Variants in EEPD1 observed in about 807,000 individuals in gnomAD.
EEPD1 encodes endonuclease/exonuclease/phosphatase family domain-containing protein 1.
A neutral mutation model predicts 46.3 loss-of-function variants in EEPD1; 17 were observed. The ratio of observed to expected loss-of-function variants is 0.37; its 90% CI spans 0.25 to 0.55. EEPD1 has a LOEUF of 0.55. EEPD1 is among the 20% of genes least tolerant of loss of function. The probability of loss-of-function intolerance (pLI) is 0.83; values close to 1 mark genes in which losing one functional copy is unlikely to be tolerated. For missense variants in EEPD1, 673 were observed against 745.6 expected, an observed-to-expected ratio of 0.90 and a Z score of 1.13; for synonymous variants, 313 against 315.6, an observed-to-expected ratio of 0.99 and a Z score of 0.09.
chr7:36,272,854 A>G (rs1405342021), intron 3 of EEPD1, among the ~76,000 whole-genome samples: 1 of 152,218 alleles, frequency 6.6e-6, no homozygotes, highest in African/African-American at 2.4e-5. Context: ...CAGGAAGCCC[A>G]TGGCTTCTCT....
At chr7:36,288,973 G>C (rs1191858869) in intron 6 of EEPD1, among the ~76,000 whole-genome samples, 2 of 152,164 alleles carry the variant, frequency 1.3e-5, no homozygotes, top group Non-Finnish European at 2.9e-5. Context: ...TCTATCTTTT[G>C]AGTCTGGACC....
chr7:36,261,465 C>T (rs1308019190), intron 3 of EEPD1, among the ~76,000 whole-genome samples: 1 of 152,198 alleles, frequency 6.6e-6, no homozygotes, highest in Non-Finnish European at 1.5e-5. Context: ...CTAGCCACCA[C>T]CTCATACAAA....
intron 2 of EEPD1, among the ~76,000 whole-genome samples, chr7:36,234,531 G>T (rs958199492): frequency 6.6e-6 from 1 of 151,952 alleles, no homozygotes; most frequent in African/African-American, 2.4e-5. Context: ...AATTAGCCTG[G>T]TGTGGTGGCG....
chr7:36,185,196 G>C (rs546703448), intron 2 of EEPD1, among the ~76,000 whole-genome samples: 1 of 152,320 alleles, frequency 6.6e-6, no homozygotes, highest in Non-Finnish European at 1.5e-5. Flanking sequence ...ACAGGTGTCT[G>C]TATCCTTGAA....
intron 2 of EEPD1, among the ~76,000 whole-genome samples, chr7:36,156,239 A>G (rs1784823263): frequency 6.6e-6 from 1 of 152,146 alleles, no homozygotes; most frequent in Non-Finnish European, 1.5e-5. Context: ...ACAGTGCATG[A>G]TGGCAGATCA....
intron 2 of EEPD1, among the ~76,000 whole-genome samples, chr7:36,188,540 TG>T (rs1487334899): frequency 2.6e-5 from 4 of 152,162 alleles, no homozygotes; most frequent in Non-Finnish European, 4.4e-5. Flanking sequence ...ATACACAGGC[TG>T]GGTGGGTCCT....
At chr7:36,266,548 A>C (rs1487547649) in intron 3 of EEPD1, among the ~76,000 whole-genome samples, 1 of 152,242 alleles carries the variant, frequency 6.6e-6, no homozygotes, top group South Asian at 2.1e-4. Context: ...CCCATCACTC[A>C]AGTCACTTTT....
rs531772594 is a variant in EEPD1, at chr7:36,243,187, A to G, written c.930+4151A>G. Among the ~76,000 whole-genome samples, 3 of 152,260 alleles carry G rather than the reference A, an allele frequency of 2.0e-5. No homozygotes were observed. The South Asian group carries it at 6.2e-4, about 32-fold the overall frequency. ...CATTCTAAAAAGCCCCCAGGTGATT[A>G]TGTGCTCGAAAGTTCAAGAACGCTG... On this transcript the variant is annotated intron_variant, in intron 3 of 7. Coordinates refer to ENST00000242108, the MANE Select transcript of EEPD1 (RefSeq NM_030636.3).
In EEPD1 at chr7:36,193,434, C is replaced by T. The variant is rs1785517604; in HGVS notation, c.878+38232C>T. Among the ~76,000 whole-genome samples the T allele has an allele frequency of 6.6e-6, 1 of 152,148 alleles. No homozygotes were observed. Among genetic ancestry groups the T allele is most frequent in the African/African-American group, 2.4e-5 (1 of 41,434 alleles). ...GAGATGCAGCTAGATGAGGAGAGAA[C>T]AGCCACTTCATGCCAGCCTTGGGAG... On this transcript the variant is annotated intron_variant, in intron 2 of 7. Coordinates refer to ENST00000242108, the MANE Select transcript of EEPD1 (RefSeq NM_030636.3). This position sits in a 1 kb window ranked among gnomAD's most constrained non-coding sequence, Gnocchi z 4.9.
intron 2 of EEPD1, among the ~76,000 whole-genome samples, chr7:36,167,606 T>C (rs867089041): frequency 1.3e-5 from 2 of 151,788 alleles, no homozygotes; most frequent in African/African-American, 2.4e-5. Flanking sequence ...CCAAGTTCTT[T>C]GCTTGCCCTT....
In EEPD1 at chr7:36,154,683, C is replaced by T. The variant is rs200599140; in HGVS notation, c.359C>T (p.Ala120Val). The T allele has an allele frequency of 1.9e-6, 3 of 1,613,386 alleles. No individual in the cohort carries two copies. The highest frequency in any genetic ancestry group is 2.5e-6 in the Non-Finnish European group (3 of 1,179,934). Reference protein sequence around the residue: ...SPSSLRRDLLAEQQPHHLATA... With the variant: ...SPSSLRRDLLVEQQPHHLATA... ...AGTTCCCTGCGGCGGGACCTGCTAG[C>T]GGAGCAGCAGCCTCACCACCTGGCC... is the stretch of plus-strand genomic sequence containing the variant. Residue 120 changes from alanine to valine, a missense_variant, in exon 2 of 8, where the codon GCG (alanine) becomes GTG (valine). Ala to Val is a moderately conservative substitution (Grantham distance 64, BLOSUM62 0). Transcript: ENST00000242108. The surrounding 1 kb of genome is among the most constrained non-coding windows in gnomAD (Gnocchi z 4.2).
chr7:36,198,344 A>AG, intron 2 of EEPD1, among the ~76,000 whole-genome samples: 1 of 112,930 alleles, frequency 8.9e-6, no homozygotes, highest in African/African-American at 3.2e-5. Context: ...AAAGAAAAGA[A>AG]AAAAAAAAAA....
At chr7:36,286,396 C>T (rs2115881491) in intron 5 of EEPD1, among the ~76,000 whole-genome samples, 2 of 152,338 alleles carry the variant, frequency 1.3e-5, no homozygotes, top group Middle Eastern at 3.4e-3. Context: ...GGGACCACAT[C>T]CGTAAGATAA....
chr7:36,241,604 C>T (rs573709726), intron 3 of EEPD1, among the ~76,000 whole-genome samples: 47 of 152,230 alleles, frequency 3.1e-4, no homozygotes, highest in African/African-American at 1.1e-3. Flanking sequence ...CAGTGGCTCA[C>T]GCCTGTAATC....
chr7:36,285,547 G>A (rs527567416), intron 5 of EEPD1, among the ~76,000 whole-genome samples: 13 of 152,256 alleles, frequency 8.5e-5, no homozygotes, highest in East Asian at 1.9e-4. Flanking sequence ...TTAATGAACC[G>A]CAAAATGGTC....
At chr7:36,187,273 C>G (rs1190423889) in intron 2 of EEPD1, among the ~76,000 whole-genome samples, 2 of 151,922 alleles carry the variant, frequency 1.3e-5, no homozygotes, top group Non-Finnish European at 2.9e-5. Context: ...TAAAATTTTC[C>G]ATTTTAATCA....
chr7:36,256,499 G>A (rs1325953879), intron 3 of EEPD1, among the ~76,000 whole-genome samples: 1 of 152,164 alleles, frequency 6.6e-6, no homozygotes, highest in Non-Finnish European at 1.5e-5. Context: ...GTAAATCTGG[G>A]TGCTCCCGTA....
intron 3 of EEPD1, among the ~76,000 whole-genome samples, chr7:36,267,070 T>C (rs897917617): frequency 1.3e-5 from 2 of 152,206 alleles, no homozygotes; most frequent in Non-Finnish European, 2.9e-5. Context: ...CCATTCTCAC[T>C]TCTTTGGTGC....
intron 2 of EEPD1, among the ~76,000 whole-genome samples, chr7:36,200,100 GTTT>G (rs57314269): frequency 2.0e-5 from 3 of 150,768 alleles, no homozygotes; most frequent in Non-Finnish European, 3.0e-5. Flanking sequence ...GTACCCAATA[GTTT>G]TTTTTTTTTC....
Sources: allele counts gnomAD v4.1 joint callset (sites outside exome capture counted in the v4.1 genomes callset), GRCh38; gene constraint gnomAD v4.1.1; non-coding constraint Gnocchi (gnomAD v3.1); transcripts MANE v1.5; gene names NCBI Gene and HGNC (gene_info 2026-07-23, HGNC 2026-07-21).